IMMP2L: variants seen among roughly 807,000 people sequenced by gnomAD.
The protein encoded by IMMP2L is mitochondrial inner membrane protease subunit 2.
IMMP2L carries 18 observed loss-of-function variants against 19.3 expected under a neutral mutation model. The observed-to-expected ratio is 0.93, with a 90% CI of 0.64 to 1.38. The LOEUF is 1.38. Ranked by LOEUF, IMMP2L falls within the 40% of genes most tolerant of loss-of-function variation. The pLI, the probability that IMMP2L is intolerant of heterozygous loss-of-function variation, is 0.00. For missense variants in IMMP2L, 233 were observed against 218.2 expected, an observed-to-expected ratio of 1.07 and a Z score of -0.43; for synonymous variants, 76 against 73.0, an observed-to-expected ratio of 1.04 and a Z score of -0.21.
intron 3 of IMMP2L, among the ~76,000 whole-genome samples, chr7:110,965,856 CTGTT>C (rs1016467371): frequency 5.3e-5 from 8 of 151,940 alleles, no homozygotes; most frequent in Non-Finnish European, 7.4e-5. Flanking sequence ...TCTATATAAA[CTGTT>C]TGGTCATGTA....
chr7:111,417,529 T>C (rs557579335), intron 3 of IMMP2L, among the ~76,000 whole-genome samples: 7 of 151,904 alleles, frequency 4.6e-5, no homozygotes, highest in Admixed American at 1.3e-4. Context: ...CTAACTCACA[T>C]GGGGTCCTGA....
At chr7:111,020,023 C>A (rs1826116165) in intron 3 of IMMP2L, among the ~76,000 whole-genome samples, 1 of 151,218 alleles carries the variant, frequency 6.6e-6, no homozygotes, top group African/African-American at 2.4e-5. Flanking sequence ...ACTTACTCAA[C>A]AGACACATAT....
intron 5 of IMMP2L, among the ~76,000 whole-genome samples, chr7:110,842,085 GC>G (rs1294662343): frequency 2.0e-5 from 3 of 152,016 alleles, no homozygotes; most frequent in Non-Finnish European, 4.4e-5. Flanking sequence ...TCAATCTCAA[GC>G]CCAAAAGGAT....
Position 110,753,901 on chromosome 7 carries a change from T to C in IMMP2L, c.409-90180A>G, listed in dbSNP as rs369078317. ...TCAGGAATCATTATGGCAATAAAAATAGAAGGACAAATGGGGGCCCAGCTA... is the reference window on the plus strand; with the variant it reads ...TCAGGAATCATTATGGCAATAAAAACAGAAGGACAAATGGGGGCCCAGCTA... On this transcript the variant is annotated intron_variant, in intron 5 of 5. Transcript: ENST00000405709. Among the ~76,000 whole-genome samples the C allele has an allele frequency of 7.9e-5, 12 of 152,016 alleles. No individual in the cohort carries two copies. In the South Asian group the frequency reaches 2.5e-3, roughly 31 times the overall value.
intron 5 of IMMP2L, among the ~76,000 whole-genome samples, chr7:110,818,048 C>G (rs1298990956): frequency 6.6e-6 from 1 of 151,996 alleles, no homozygotes; most frequent in African/African-American, 2.4e-5. Context: ...AGGACATAGG[C>G]ATGGGCAAGG....
chr7:111,268,487 TAAA>T (rs927826185), intron 3 of IMMP2L, among the ~76,000 whole-genome samples: 2 of 62,366 alleles, frequency 3.2e-5, no homozygotes, highest in African/African-American at 5.7e-5. Flanking sequence ...GTTTATCTAA[TAAA>T]AAAAAAAAAA....
chr7:111,150,046 G>A (rs139674267), intron 3 of IMMP2L, among the ~76,000 whole-genome samples: 28 of 152,026 alleles, frequency 1.8e-4, no homozygotes, highest in Middle Eastern at 3.4e-3. Context: ...GTACTACTTC[G>A]TTTTATTTGA....
At chr7:111,444,800 G>C (rs773029367) in intron 3 of IMMP2L, among the ~76,000 whole-genome samples, 1 of 151,950 alleles carries the variant, frequency 6.6e-6, no homozygotes, top group South Asian at 2.1e-4. Context: ...GAAACTATAT[G>C]GCATAATGCA....
chr7:111,434,513 T>C (rs182273677), intron 3 of IMMP2L, among the ~76,000 whole-genome samples: 9 of 151,598 alleles, frequency 5.9e-5, no homozygotes, highest in African/African-American at 1.2e-4. Flanking sequence ...GTCATTTTTC[T>C]TTTTGTTTTT....
intron 3 of IMMP2L, among the ~76,000 whole-genome samples, chr7:111,483,895 G>T (rs1842404283): frequency 6.6e-6 from 1 of 152,156 alleles, no homozygotes; most frequent in Non-Finnish European, 1.5e-5. Flanking sequence ...AACCAGGAAG[G>T]AATCAGTATT....
intron 4 of IMMP2L, among the ~76,000 whole-genome samples, chr7:110,953,082 C>G (rs1317103444): frequency 6.6e-6 from 1 of 152,088 alleles, no homozygotes; most frequent in Admixed American, 6.6e-5. Context: ...CACAGATAAA[C>G]ATCTGATTCC....
intron 3 of IMMP2L, among the ~76,000 whole-genome samples, chr7:111,145,208 T>C (rs982289552): frequency 6.6e-6 from 1 of 152,022 alleles, no homozygotes; most frequent in Non-Finnish European, 1.5e-5. Context: ...TACTAAGGAT[T>C]TGGATCTTCA....
At chr7:111,480,324 C>A (rs947326880) in intron 3 of IMMP2L, among the ~76,000 whole-genome samples, 1 of 151,986 alleles carries the variant, frequency 6.6e-6, no homozygotes, top group African/African-American at 2.4e-5. Context: ...TCGTGATCCA[C>A]CTGCCTCAGC....
intron 3 of IMMP2L, among the ~76,000 whole-genome samples, chr7:111,148,093 A>G (rs1351903031): frequency 6.6e-6 from 1 of 152,142 alleles, no homozygotes; most frequent in Non-Finnish European, 1.5e-5. Flanking sequence ...CAGGCAAAAA[A>G]TAGAAGCAGC....
At chr7:110,949,196 T>G (rs571089873) in intron 4 of IMMP2L, among the ~76,000 whole-genome samples, 1 of 152,280 alleles carries the variant, frequency 6.6e-6, no homozygotes, top group African/African-American at 2.4e-5. Flanking sequence ...TCCCCTCTCA[T>G]ATATCTGTAC....
intron 3 of IMMP2L, among the ~76,000 whole-genome samples, chr7:111,161,880 C>T (rs1045697562): frequency 6.6e-6 from 1 of 151,832 alleles, no homozygotes; most frequent in Non-Finnish European, 1.5e-5. Context: ...TTAAGACAAC[C>T]TGACAAACTA....
intron 3 of IMMP2L, among the ~76,000 whole-genome samples, chr7:111,269,602 T>C (rs1373761964): frequency 6.6e-6 from 1 of 152,162 alleles, no homozygotes; most frequent in Admixed American, 6.6e-5. Context: ...ATGTATATGA[T>C]GTTAAATGCA....
chr7:111,221,752 AT>A (rs1251856482), intron 3 of IMMP2L, among the ~76,000 whole-genome samples: 1 of 152,026 alleles, frequency 6.6e-6, no homozygotes, highest in Non-Finnish European at 1.5e-5. Flanking sequence ...TGATAGTGTA[AT>A]CTTGAAATTC....
chr7:110,768,915 T>C, intron 5 of IMMP2L, among the ~76,000 whole-genome samples: 1 of 151,876 alleles, frequency 6.6e-6, no homozygotes, highest in Non-Finnish European at 1.5e-5. Flanking sequence ...AATGAAGGAG[T>C]TTTTTAAAAG....
Sources: allele counts gnomAD v4.1 joint callset (sites outside exome capture counted in the v4.1 genomes callset), GRCh38; gene constraint gnomAD v4.1.1; transcripts MANE v1.5; gene names NCBI Gene and HGNC (gene_info 2026-07-23, HGNC 2026-07-21).